The following DMD variants were observed in gnomAD, a reference collection of about 807,000 sequenced individuals.
The protein encoded by DMD is mutant dystrophin.
Under a neutral mutation model 330.1 loss-of-function variants are expected in DMD, and 63 were observed. The observed-to-expected ratio is 0.19, with a 90% CI of 0.16 to 0.24. DMD has a LOEUF of 0.24. Ranked by LOEUF, DMD falls within the 10% of genes least tolerant of loss-of-function variation. DMD has a pLI of 1.00. For synonymous variants in DMD, 1,223 were observed against 959.8 expected (o/e 1.27, Z -5.07); for missense variants, 3,344 against 2,684.1 (o/e 1.25, Z -5.43).
intron 44 of DMD, among the ~76,000 whole-genome samples, chrX:32,196,382 TTC>T (rs1460971263): frequency 2.7e-5 from 3 of 112,305 alleles, no homozygotes; most frequent in Non-Finnish European, 5.6e-5. Flanking sequence ...TTTCCTGAGT[TTC>T]TGACTTTTGC....
intron 44 of DMD, among the ~76,000 whole-genome samples, chrX:32,209,073 G>A (rs767814678): frequency 1.3e-4 from 14 of 111,131 alleles, no homozygotes; most frequent in Middle Eastern, 4.6e-3. Context: ...ATTTTTCTAC[G>A]TACCGAGGTA....
intron 41 of DMD, among the ~76,000 whole-genome samples, chrX:32,336,619 C>T (rs189664319): frequency 1.8e-3 from 204 of 111,176 alleles, no homozygotes; most frequent in Non-Finnish European, 3.0e-3. Flanking sequence ...TCTTAAACTC[C>T]GAATTTGCAT....
At position 32,714,958 on chromosome X, in the gene DMD, G is replaced by A. The variant is rs1013887755; in HGVS notation, c.650-15665C>T. 9.0e-5 allele frequency among the ~76,000 whole-genome samples: 10 copies of A among 110,712 alleles called. No homozygotes were observed. The South Asian group carries it at 3.1e-3, about 34-fold the overall frequency. On this transcript the variant is annotated intron_variant, in intron 7 of 78. Coordinates refer to ENST00000357033, the MANE Select transcript of DMD (RefSeq NM_004006.3). ...AATCGTTCCCCCACCCTCTGACCAC[G>A]AGAAGCTATAATCTACTCATTTAGT...
At chrX:33,045,571 A>C (rs2094368595) in intron 1 of DMD, among the ~76,000 whole-genome samples, 1 of 110,946 alleles carries the variant, frequency 9.0e-6, no homozygotes, top group African/African-American at 3.3e-5. Flanking sequence ...TACCTGCTCT[A>C]GGTGCCTACC....
intron 55 of DMD, among the ~76,000 whole-genome samples, chrX:31,620,604 G>A (rs2078476114): frequency 9.1e-6 from 1 of 109,468 alleles, no homozygotes; most frequent in Non-Finnish European, 1.9e-5. Context: ...TAGTAGAGAC[G>A]GGGTTTCGCC....
chrX:32,604,228 T>C (rs1240092071), intron 12 of DMD, among the ~76,000 whole-genome samples: 1 of 110,025 alleles, frequency 9.1e-6, no homozygotes, highest in African/African-American at 3.3e-5. Context: ...ACACAATATA[T>C]GTTTTGTGTG....
At chrX:31,516,237 A>G in intron 55 of DMD, among the ~76,000 whole-genome samples, 1 of 108,838 alleles carries the variant, frequency 9.2e-6, no homozygotes, top group East Asian at 2.9e-4. Context: ...TGCATGTTAC[A>G]AAAGTATCAG....
Position 31,169,633 on chromosome X carries a change from TC to T in DMD, c.10395-33del, listed in dbSNP as rs746382571. The T allele has an allele frequency of 2.1e-5, 25 of 1,166,029 alleles. 1 individual carries two copies. The highest frequency in any genetic ancestry group is 1.2e-4 in the Admixed American group (5 of 41,721). ...AATAAAATCAAAGGTTTTGGTTTTT[TC>T]CCCCCCTTATTTTGCTTTGGGGGTT... On this transcript the variant is annotated intron_variant, in intron 73 of 78. Transcript: ENST00000357033.
chrX:32,287,430 C>T (rs1181677226), intron 43 of DMD, 99 bp downstream of exon 43: 7 of 822,689 alleles, frequency 8.5e-6, no homozygotes, highest in Admixed American at 2.5e-5. Flanking sequence ...ACTTCTTTTT[C>T]CCTGTCTTTT....
rs769010726 is a variant in DMD, at chrX:31,206,728, C to G, written c.9564-61G>C. The G allele has an allele frequency of 7.3e-6, 7 of 964,854 alleles. No individual in the cohort carries two copies. In the East Asian group the frequency reaches 1.9e-4, roughly 26 times the overall value. 79.5% of individuals were successfully genotyped at this position (964,854 alleles called of 1,213,427 possible). A position where few individuals can be genotyped will look rare whatever the true frequency, so the allele number is the denominator to read the frequency against. On this transcript the variant is annotated intron_variant, in intron 65 of 78. Coordinates refer to ENST00000357033, the MANE Select transcript of DMD (RefSeq NM_004006.3). ...ACCCTTTCCTAGAGGGTAAACACTTCTAGTTAAGAATAAAGCCTTGAAAAG... is the reference window on the plus strand; with the variant it reads ...ACCCTTTCCTAGAGGGTAAACACTTGTAGTTAAGAATAAAGCCTTGAAAAG...
chrX:32,635,765 T>G lies in DMD; in HGVS notation c.1331+8367A>C, dbSNP rs373227314. Among the ~76,000 whole-genome samples the G allele has an allele frequency of 5.7e-3, 639 of 111,908 alleles. 5 individuals carry two copies. The highest frequency in any genetic ancestry group is 0.018 in the African/African-American group (556 of 30,784). ...AGTTCAATAAGTGGCCTGTGAAATATAAGCTTTAAAGCCAGAATCCAAACA... is the reference window on the plus strand; with the variant it reads ...AGTTCAATAAGTGGCCTGTGAAATAGAAGCTTTAAAGCCAGAATCCAAACA... On this transcript the variant is annotated intron_variant, in intron 11 of 78. Transcript: ENST00000357033.
chrX:31,397,319 G>A (rs1275320553), intron 60 of DMD, among the ~76,000 whole-genome samples: 1 of 111,791 alleles, frequency 8.9e-6, no homozygotes, highest in Non-Finnish European at 1.9e-5. Context: ...TTCCAGATGG[G>A]ATATGTGTAC....
At chrX:32,362,308 G>A (rs934850121) in intron 37 of DMD, among the ~76,000 whole-genome samples, 39 of 111,193 alleles carry the variant, frequency 3.5e-4, no homozygotes, top group African/African-American at 9.5e-4. Context: ...ACCCTAGACC[G>A]TGCAGAAGAT....
intron 44 of DMD, among the ~76,000 whole-genome samples, chrX:32,053,210 A>C (rs988486820): frequency 3.6e-5 from 4 of 111,828 alleles, no homozygotes; most frequent in Non-Finnish European, 5.7e-5. Context: ...AGAAGCTCTC[A>C]AATGTAGAAT....
At chrX:32,515,837 A>C (rs2045805201) in intron 18 of DMD, among the ~76,000 whole-genome samples, 1 of 111,965 alleles carries the variant, frequency 8.9e-6, no homozygotes, top group South Asian at 3.8e-4. Flanking sequence ...TTGGTGGTCC[A>C]GGGACATTTT....
intron 44 of DMD, among the ~76,000 whole-genome samples, chrX:32,210,036 G>A (rs917874815): frequency 5.8e-4 from 65 of 111,660 alleles, no homozygotes; most frequent in African/African-American, 2.0e-3. Context: ...AGTTGCAGAG[G>A]AGTTTCCAAG....
intron 52 of DMD, among the ~76,000 whole-genome samples, chrX:31,703,514 G>T (rs2083964008): frequency 8.9e-6 from 1 of 112,026 alleles, no homozygotes; most frequent in African/African-American, 3.2e-5. Flanking sequence ...CCCTATCAAA[G>T]CCTTGTTTAC....
intron 62 of DMD, among the ~76,000 whole-genome samples, chrX:31,314,703 T>C (rs1262785666): frequency 1.0e-5 from 1 of 99,673 alleles, no homozygotes; most frequent in East Asian, 3.0e-4. Flanking sequence ...ATTTATACAA[T>C]GCACTCACAG....
At chrX:31,949,542 T>C (rs1186491209) in intron 45 of DMD, among the ~76,000 whole-genome samples, 1 of 111,428 alleles carries the variant, frequency 9.0e-6, no homozygotes, top group Non-Finnish European at 1.9e-5. Context: ...ATTTTGTGGA[T>C]ATCAGATTTT....
Sources: gnomAD v4.1 joint callset for allele counts (sites outside exome capture counted in the v4.1 genomes callset) on GRCh38, gnomAD v4.1.1 for gene constraint, MANE v1.5 for transcripts, NCBI Gene and HGNC (gene_info 2026-07-23, HGNC 2026-07-21) for gene names.